Variants in RMDN1 observed in about 807,000 individuals in gnomAD.
RMDN1 encodes regulator of microtubule dynamics 1.
Under a neutral mutation model 48.9 loss-of-function variants are expected in RMDN1, and 48 were observed. That is an observed-to-expected ratio of 0.98 (90% CI 0.78 to 1.25). RMDN1 has a LOEUF of 1.25. RMDN1 is among the 50% of genes most tolerant of loss of function. The probability of loss-of-function intolerance (pLI) is 0.00; values close to 1 mark genes in which losing one functional copy is unlikely to be tolerated. For missense variants in RMDN1, 418 were observed against 373.4 expected (o/e 1.12, Z -0.98); for synonymous variants, 148 against 132.6 (o/e 1.12, Z -0.80).
At chr8:86,507,221 A>G (rs1455439155) in intron 1 of RMDN1, 109 bp from the exon 2 acceptor site, 2 of 647,552 alleles carry the variant, frequency 3.1e-6, no homozygotes, top group Admixed American at 4.8e-5. Context: ...AATCGATCAT[A>G]ATACTGGAAG....
At chr8:86,494,885 G>A in intron 2 of RMDN1, 1 of 406,468 alleles carries the variant, frequency 2.5e-6, no homozygotes, top group Admixed American at 3.1e-5. Context: ...GAGGTGGGAG[G>A]ATCACTTGAA....
chr8:86,477,356 A>G, intron 7 of RMDN1, 32 bp from the exon 8 acceptor site: 1 of 1,545,508 alleles, frequency 6.5e-7, no homozygotes. Context: ...CAAACATAAT[A>G]AAAAAGATTA....
chr8:86,502,994 G>A (rs1003548818), intron 2 of RMDN1, among the ~76,000 whole-genome samples: 1 of 152,118 alleles, frequency 6.6e-6, no homozygotes, highest in Non-Finnish European at 1.5e-5. Context: ...ATATTAGACA[G>A]ACACATAGAG....
rs1815501368 is a variant in RMDN1 at position 86,486,555 on chromosome 8, A to G, written c.424T>C (p.Leu142=). The G allele has an allele frequency of 1.2e-6, 2 of 1,612,574 alleles. No individual in the cohort carries two copies. The highest frequency in any genetic ancestry group is 1.3e-5 in the African/African-American group (1 of 74,920). The change falls in exon 4 of 10, where the codon TTG becomes CTG. Residue 142 remains leucine, a synonymous_variant. Coordinates refer to ENST00000406452, the MANE Select transcript of RMDN1 (RefSeq NM_016033.3). ...SRTSEEEKKL[L]VYEALEYAKR... ...GCATACTCTAGGGCTTCATACACCA[A>G]TAGCTTTTTCTCCTCTTCTGAGGTT...
downstream of RMDN1, among the ~76,000 whole-genome samples, chr8:86,468,868 C>T (rs1330562414): frequency 6.6e-6 from 1 of 152,170 alleles, no homozygotes; most frequent in Non-Finnish European, 1.5e-5. Flanking sequence ...CTCACCTTCT[C>T]CCCTTCTTCC....
At chr8:86,479,465 T>G (rs1429768135) in intron 6 of RMDN1, among the ~76,000 whole-genome samples, 1 of 152,156 alleles carries the variant, frequency 6.6e-6, no homozygotes, top group African/African-American at 2.4e-5. Context: ...GCAAAGCAAA[T>G]GATTAACCTC....
At chr8:86,476,020 G>A (rs755902647) in intron 8 of RMDN1, among the ~76,000 whole-genome samples, 1 of 151,998 alleles carries the variant, frequency 6.6e-6, no homozygotes, top group Non-Finnish European at 1.5e-5. Context: ...AAGTATCACT[G>A]GAAAAATAAA....
intron 5 of RMDN1, 35 bp downstream of exon 5, chr8:86,484,835 CTT>C (rs762402377): frequency 2.3e-6 from 3 of 1,330,766 alleles, no homozygotes; most frequent in East Asian, 4.8e-5. Context: ...AAAAATATGA[CTT>C]TTAAAATTCA....
chr8:86,479,314 A>G (rs890988970), intron 6 of RMDN1, among the ~76,000 whole-genome samples: 2 of 152,200 alleles, frequency 1.3e-5, no homozygotes, highest in African/African-American at 2.4e-5. Context: ...TGTAACAATT[A>G]TATATGAGAT....
At chr8:86,501,206 T>A (rs1435596399) in intron 2 of RMDN1, among the ~76,000 whole-genome samples, 1 of 152,040 alleles carries the variant, frequency 6.6e-6, no homozygotes. Context: ...AAAATAAAAG[T>A]TGGAAAAAAA....
intron 2 of RMDN1, among the ~76,000 whole-genome samples, chr8:86,497,126 G>C (rs1817498706): frequency 6.6e-6 from 1 of 152,222 alleles, no homozygotes; most frequent in Non-Finnish European, 1.5e-5. Flanking sequence ...GAATCTGTGA[G>C]ACACAGCTAA....
chr8:86,502,198 A>G (rs1248181220), intron 2 of RMDN1, among the ~76,000 whole-genome samples: 2 of 152,180 alleles, frequency 1.3e-5, no homozygotes, highest in African/African-American at 4.8e-5. Context: ...ATATACAGAA[A>G]TTTTGGCTCA....
In RMDN1 at chr8:86,480,455, TATA is replaced by T. The variant is rs1228622429; in HGVS notation, c.586-126_586-124del. On this transcript the variant is annotated intron_variant, in intron 5 of 9. Transcript: ENST00000406452. ...CAACTGTGTGTTTCAGTTCTCCCAT[TATA>T]ATATCAACTTTCTTCCTCCTGATTC... is the stretch of plus-strand genomic sequence containing the variant. The T allele has an allele frequency of 5.3e-5, 27 of 512,792 alleles. No individual in the cohort carries two copies. The East Asian group carries it at 7.0e-4, about 13-fold the overall frequency. The allele number at this position is 512,792 out of a possible 1,614,324, so 31.8% of individuals were successfully genotyped here. A position where few individuals can be genotyped will look rare whatever the true frequency, so the allele number is the denominator to read the frequency against.
At chr8:86,508,429 T>G in intron 1 of RMDN1, 63 bp downstream of exon 1, 1 of 1,493,206 alleles carries the variant, frequency 6.7e-7, no homozygotes, top group Non-Finnish European at 9.0e-7. Context: ...CCACTTAAGT[T>G]AAGGGGGAGC....
Position 86,473,778 on chromosome 8 carries a change from AAG to A in RMDN1, c.*528_*529del. On this transcript the variant is annotated 3_prime_UTR_variant, in exon 10 of 10. Transcript: ENST00000406452. ...GAGACTCTGTCTCAAAAAAATAAAA[AAG>A]GAAACTACTCCATTTTTAGTCATCT... The A allele has an allele frequency of 1.0e-6, 1 of 972,416 alleles. No homozygotes were observed. The highest frequency in any genetic ancestry group is 1.8e-5 in the African/African-American group (1 of 57,082). 60.2% of individuals were successfully genotyped at this position (972,416 alleles called of 1,614,324 possible). A position where few individuals can be genotyped will look rare whatever the true frequency, so the allele number is the denominator to read the frequency against.
intron 2 of RMDN1, among the ~76,000 whole-genome samples, chr8:86,503,385 A>AAAAAAAAAAC (rs1554594088): frequency 1.7e-4 from 14 of 81,014 alleles, no homozygotes; most frequent in South Asian, 3.6e-4. Context: ...AAAAAAAAAA[A>AAAAAAAAAAC]AAAACAAAAA....
At chr8:86,474,458 A>G (rs1813024196) in intron 9 of RMDN1, 100 bp from the exon 10 acceptor site, 1 of 921,126 alleles carries the variant, frequency 1.1e-6, no homozygotes, top group African/African-American at 1.7e-5. Context: ...GTTTCCAAAA[A>G]CCAGATAGGA....
rs1171145194 is a variant in RMDN1 at position 86,508,503 on chromosome 8, G to A, written c.118C>T (p.Arg40Cys). Residue 40 changes from arginine to cysteine, a missense_variant, in exon 1 of 10, where the codon CGC (arginine) becomes TGC (cysteine). By Grantham distance (180) the Arg-to-Cys change is radical. Coordinates refer to ENST00000406452, the MANE Select transcript of RMDN1 (RefSeq NM_016033.3). ...SRGHCGPCRF[R>C]GFEVMGNPGT... is the part of the protein sequence containing the mutation. ...GACCACGGGGGTACCTCGAAGCCGC[G>A]GAATCGACAGGGGCCGCAATGCCCG... 1 of 1,554,446 alleles carries A rather than the reference G, an allele frequency of 6.4e-7. No individual in the cohort carries two copies. Among genetic ancestry groups the A allele is most frequent in the Admixed American group, 1.9e-5 (1 of 51,370 alleles).
Position 86,472,587 on chromosome 8 carries a change from T to G in RMDN1, c.*1721A>C. 4.5e-6 allele frequency: 3 copies of G among 667,058 alleles called. No homozygotes were observed. In the South Asian group the frequency reaches 5.0e-5, roughly 11 times the overall value. 41.3% of individuals were successfully genotyped at this position (667,058 alleles called of 1,614,324 possible). A position where few individuals can be genotyped will look rare whatever the true frequency, so the allele number is the denominator to read the frequency against. On this transcript the variant is annotated 3_prime_UTR_variant, in exon 10 of 10. Coordinates refer to ENST00000406452, the MANE Select transcript of RMDN1 (RefSeq NM_016033.3). ...TTGCCGTTTAACAGCTGATACAGGT[T>G]TCTGGTGATGCTACTGTTGCCTAGC... is the stretch of plus-strand genomic sequence containing the variant.
Sources: allele counts gnomAD v4.1 joint callset (sites outside exome capture counted in the v4.1 genomes callset), GRCh38; gene constraint gnomAD v4.1.1; transcripts MANE v1.5; gene names NCBI Gene and HGNC (gene_info 2026-07-23, HGNC 2026-07-21).